SHB: variants seen among roughly 807,000 people sequenced by gnomAD.
SHB encodes SH2 domain containing adaptor protein B.
In SHB, 20 loss-of-function variants were observed where a neutral mutation model predicts 52.3. That is an observed-to-expected ratio of 0.38 (90% CI 0.27 to 0.56). The LOEUF is 0.56. Ranked by LOEUF, SHB falls within the 20% of genes least tolerant of loss-of-function variation. The pLI is 0.71. For synonymous variants in SHB, 397 were observed against 316.5 expected (o/e 1.25, Z -2.70); for missense variants, 825 against 723.3 (o/e 1.14, Z -1.61).
At chr9:37,972,375 A>G (rs1820599845) in intron 3 of SHB, among the ~76,000 whole-genome samples, 1 of 152,174 alleles carries the variant, frequency 6.6e-6, no homozygotes, top group Non-Finnish European at 1.5e-5. Context: ...TAAAATGCAC[A>G]GGGGAGACCT....
Position 37,922,055 on chromosome 9 carries a change from C to T in SHB, c.1347-2051G>A, listed in dbSNP as rs77787164. ...ACCCTGGGCACATCATTCCCCTCTG[C>T]GTGCATGCACTGAGTGGCCTTACGT... On this transcript the variant is annotated intron_variant, in intron 5 of 5. Transcript: ENST00000377707. Among the ~76,000 whole-genome samples the T allele has an allele frequency of 1.3e-4, 20 of 152,306 alleles. No individual in the cohort carries two copies. In the East Asian group the frequency reaches 2.1e-3, roughly 16 times the overall value.
rs72724184 is a variant in SHB, at chr9:37,916,734, C to T, written c.*3087G>A. ...CTGGGCCATTCTTCTGACTTCAGGA[C>T]GGGACTGGCAGGCGGTGGGGCCCTC... On this transcript the variant is annotated 3_prime_UTR_variant, in exon 6 of 6. Coordinates refer to ENST00000377707, the MANE Select transcript of SHB (RefSeq NM_003028.3). Among the ~76,000 whole-genome samples, 10,492 of 152,246 alleles carry T rather than the reference C, an allele frequency of 0.069. 462 individuals are homozygous for T. The highest frequency in any genetic ancestry group is 0.1 in the South Asian group (504 of 4,818).
rs375199072 is a variant in SHB, at chr9:38,067,977, C to G, written c.669G>C (p.Lys223Asn). 2 of 1,552,972 alleles carry G rather than the reference C, an allele frequency of 1.3e-6. No homozygotes were observed. The highest frequency in any genetic ancestry group is 1.4e-5 in the African/African-American group (1 of 71,658). The change falls in exon 1 of 6, where the codon AAG (lysine) becomes AAC (asparagine). Residue 223 changes from lysine to asparagine, a missense_variant. Coordinates refer to ENST00000377707, the MANE Select transcript of SHB (RefSeq NM_003028.3). ...TCTCCTCCGCGGCTGAGGCGGCGCA[C>G]TTGTTGAGCAGTTTCTTGCCTCCGC... ...TACGGKKLLN[K>N]CAASAAEESG...
intron 5 of SHB, among the ~76,000 whole-genome samples, chr9:37,924,628 C>T (rs1454627182): frequency 1.3e-5 from 2 of 152,096 alleles, no homozygotes; most frequent in South Asian, 4.1e-4. Context: ...AACATTAGCC[C>T]TCAGGTCAAA....
chr9:37,941,989 C>A (rs1366496737), intron 5 of SHB, among the ~76,000 whole-genome samples: 1 of 152,196 alleles, frequency 6.6e-6, no homozygotes, highest in Non-Finnish European at 1.5e-5. Flanking sequence ...TAGCTGTCAG[C>A]AGCAACAAAC....
chr9:37,950,116 T>G (rs1220391170), intron 4 of SHB, among the ~76,000 whole-genome samples: 1 of 152,218 alleles, frequency 6.6e-6, no homozygotes, highest in Non-Finnish European at 1.5e-5. Context: ...TTTAAAATCT[T>G]TTCTAGAGAC....
chr9:37,955,363 T>C (rs775061960), intron 4 of SHB, among the ~76,000 whole-genome samples: 22 of 152,154 alleles, frequency 1.4e-4, no homozygotes, highest in Non-Finnish European at 2.6e-4. Flanking sequence ...GGCCTACCAC[T>C]GGCTGGGTGG....
chr9:37,953,190 A>C (rs558398231), intron 4 of SHB, among the ~76,000 whole-genome samples: 1 of 152,096 alleles, frequency 6.6e-6, no homozygotes, highest in Admixed American at 6.5e-5. Flanking sequence ...ACCGGGGCAG[A>C]AAAAGGAGGC....
intron 1 of SHB, among the ~76,000 whole-genome samples, chr9:38,059,356 C>A (rs1310530960): frequency 1.3e-5 from 2 of 151,740 alleles, no homozygotes; most frequent in Non-Finnish European, 2.9e-5. Context: ...CAGTGGGGCT[C>A]TAATTCTCTC....
At chr9:37,967,696 C>T (rs144046304) in intron 3 of SHB, among the ~76,000 whole-genome samples, 83 of 152,358 alleles carry the variant, frequency 5.4e-4, no homozygotes, top group South Asian at 1.0e-3. Flanking sequence ...TGCAAACTCC[C>T]ATGCCTCACC....
chr9:38,048,541 G>A (rs1821689959), intron 1 of SHB, among the ~76,000 whole-genome samples: 1 of 152,118 alleles, frequency 6.6e-6, no homozygotes, highest in South Asian at 2.1e-4. Context: ...GGCTGAGTCT[G>A]GAGGATCTCT....
At chr9:38,064,884 A>C (rs1564114314) in intron 1 of SHB, among the ~76,000 whole-genome samples, 1 of 152,246 alleles carries the variant, frequency 6.6e-6, no homozygotes, top group Non-Finnish European at 1.5e-5. Flanking sequence ...TTGTAATCCC[A>C]GCACTTTGGG....
chr9:38,019,510 A>G (rs1170172290), intron 1 of SHB, among the ~76,000 whole-genome samples: 1 of 152,224 alleles, frequency 6.6e-6, no homozygotes. Flanking sequence ...ATCCCAAAGG[A>G]AAGGACTAGA....
intron 3 of SHB, among the ~76,000 whole-genome samples, chr9:37,970,726 C>T (rs984930780): frequency 3.3e-5 from 5 of 152,104 alleles, no homozygotes; most frequent in East Asian, 1.9e-4. Context: ...AGCCCTGCCT[C>T]GCTCAAGCTT....
intron 5 of SHB, among the ~76,000 whole-genome samples, chr9:37,929,124 T>C (rs1269527196): frequency 1.3e-5 from 2 of 152,238 alleles, no homozygotes; most frequent in African/African-American, 4.8e-5. Flanking sequence ...TCTGAGTCCC[T>C]GCCCTGAACT....
At chr9:38,029,842 C>T (rs1177218890) in intron 1 of SHB, among the ~76,000 whole-genome samples, 1 of 152,156 alleles carries the variant, frequency 6.6e-6, no homozygotes, top group African/African-American at 2.4e-5. Context: ...GACCAATATG[C>T]ATGGTAAGCA....
chr9:38,063,496 C>T (rs1393957165), intron 1 of SHB, among the ~76,000 whole-genome samples: 2 of 152,252 alleles, frequency 1.3e-5, no homozygotes, highest in East Asian at 1.9e-4. Context: ...CTCTTCCCCA[C>T]TCCCCTGCCT....
chr9:38,044,716 T>A (rs12342301), intron 1 of SHB, among the ~76,000 whole-genome samples: 4,367 of 152,302 alleles, frequency 0.029, 200 homozygotes, highest in African/African-American at 0.096. Context: ...TTTTCCCTTG[T>A]TGGAGTTACT....
Position 37,919,688 on chromosome 9 carries a change from T to C in SHB, c.*133A>G, listed in dbSNP as rs1247224691. On this transcript the variant is annotated 3_prime_UTR_variant, in exon 6 of 6. Transcript: ENST00000377707. ...AAGTGGCAACAGCATTCTAGAGACATGCAGTGGTGTGCTAGTACCATACAC... is the reference window on the plus strand; with the variant it reads ...AAGTGGCAACAGCATTCTAGAGACACGCAGTGGTGTGCTAGTACCATACAC... 1.5e-6 allele frequency: 1 copy of C among 665,290 alleles called. No homozygotes were observed. The highest frequency in any genetic ancestry group is 1.8e-5 in the African/African-American group (1 of 55,306). The allele number at this position is 665,290 out of a possible 1,614,324, so 41.2% of individuals were successfully genotyped here.
Sources: gnomAD v4.1 joint callset for allele counts (sites outside exome capture counted in the v4.1 genomes callset) on GRCh38, gnomAD v4.1.1 for gene constraint, MANE v1.5 for transcripts, NCBI Gene and HGNC (gene_info 2026-07-23, HGNC 2026-07-21) for gene names.